Variants in FAM120C observed in about 807,000 individuals in gnomAD.
FAM120C encodes constitutive coactivator of PPAR-gamma-like protein 2.
In FAM120C, 14 loss-of-function variants were observed where a neutral mutation model predicts 71.2. That is an observed-to-expected ratio of 0.20 (90% CI 0.13 to 0.31). The LOEUF (loss-of-function observed/expected upper bound fraction) is 0.31. Ranked by LOEUF, FAM120C falls within the 10% of genes least tolerant of loss-of-function variation. FAM120C has a pLI of 1.00. For missense variants in FAM120C, 500 were observed against 879.0 expected (o/e 0.57, Z 5.45); for synonymous variants, 354 against 353.2 (o/e 1.00, Z -0.03).
At position 54,135,127 on chromosome X, in the gene FAM120C, G is replaced by A; in HGVS notation, c.1336-16C>T. On this transcript the variant is annotated splice_polypyrimidine_tract_variant and intron_variant, in intron 6 of 15. Transcript: ENST00000375180. Reference sequence around the variant, plus strand: ...GATGAGAAAACTAAACGATAAAACAGACAGAAAAGCTATTTAACATTTTAT... The same window carrying A: ...GATGAGAAAACTAAACGATAAAACAAACAGAAAAGCTATTTAACATTTTAT... The A allele has an allele frequency of 8.5e-7, 1 of 1,172,699 alleles. No homozygotes were observed. Among genetic ancestry groups the A allele is most frequent in the South Asian group, 2.0e-5 (1 of 50,165 alleles).
At chrX:54,134,688 T>C in intron 7 of FAM120C, 143 bp downstream of exon 7, 2 of 590,078 alleles carry the variant, frequency 3.4e-6, no homozygotes, top group Non-Finnish European at 5.1e-6. Context: ...TAGAAAACGT[T>C]TTCCTACTTT....
intron 1 of FAM120C, 119 bp from the exon 2 acceptor site, chrX:54,159,735 A>C (rs2067226825): frequency 1.4e-6 from 1 of 734,722 alleles, no homozygotes; most frequent in African/African-American, 2.2e-5. Context: ...ACGTGAGAGA[A>C]CAGAACATTC....
chrX:54,079,458 G>A (rs782277956), intron 15 of FAM120C, among the ~76,000 whole-genome samples: 7 of 109,559 alleles, frequency 6.4e-5, no homozygotes, highest in African/African-American at 2.3e-4. Flanking sequence ...GAGAGAGAGA[G>A]AGAGAGAAAG....
At chrX:54,117,395 A>G (rs1417738316) in intron 9 of FAM120C, among the ~76,000 whole-genome samples, 1 of 104,461 alleles carries the variant, frequency 9.6e-6, no homozygotes. Context: ...AAAATAAAAT[A>G]AAATAAAATA....
At chrX:54,139,658 AT>A (rs1298010473) in intron 4 of FAM120C, among the ~76,000 whole-genome samples, 1 of 109,860 alleles carries the variant, frequency 9.1e-6, no homozygotes, top group East Asian at 2.9e-4. Flanking sequence ...TTATTTTTAA[AT>A]TTTTTTATTT....
At chrX:54,130,268 C>T (rs1214482339) in intron 9 of FAM120C, among the ~76,000 whole-genome samples, 13 of 111,615 alleles carry the variant, frequency 1.2e-4, no homozygotes, top group Admixed American at 1.1e-3. Flanking sequence ...ATATTTTTCC[C>T]ATTCTGTAGG....
intron 4 of FAM120C, among the ~76,000 whole-genome samples, chrX:54,143,112 G>A (rs1237244474): frequency 7.2e-5 from 8 of 111,205 alleles, no homozygotes; most frequent in Admixed American, 5.8e-4. Flanking sequence ...AAAGACCAAA[G>A]GTAGATAAAA....
intron 1 of FAM120C, among the ~76,000 whole-genome samples, chrX:54,170,412 C>T (rs1557135787): frequency 1.8e-5 from 2 of 111,610 alleles, no homozygotes; most frequent in African/African-American, 6.5e-5. Flanking sequence ...GGATTACAGG[C>T]GTGAGCTACC....
At chrX:54,161,981 T>G (rs1557134489) in intron 1 of FAM120C, among the ~76,000 whole-genome samples, 1 of 112,326 alleles carries the variant, frequency 8.9e-6, no homozygotes, top group Admixed American at 9.4e-5. Flanking sequence ...CAAAACAGTT[T>G]CCAGTAGGTT....
intron 15 of FAM120C, among the ~76,000 whole-genome samples, chrX:54,078,168 C>T (rs1379219595): frequency 9.4e-6 from 1 of 106,182 alleles, no homozygotes; most frequent in Non-Finnish European, 1.9e-5. Flanking sequence ...TGGTCTCGAT[C>T]TCCTGACCTC....
chrX:54,110,679 G>T (rs1557125548), intron 10 of FAM120C, among the ~76,000 whole-genome samples: 1 of 110,654 alleles, frequency 9.0e-6, no homozygotes, highest in African/African-American at 3.3e-5. Context: ...ACTTTGGGAG[G>T]CCAAGATGGG....
intron 1 of FAM120C, among the ~76,000 whole-genome samples, chrX:54,178,436 G>A (rs2067329994): frequency 9.0e-6 from 1 of 111,604 alleles, no homozygotes; most frequent in Admixed American, 9.6e-5. Context: ...AAACAGGATG[G>A]TGGGATTGTG....
At position 54,073,171 on chromosome X, in the gene FAM120C, T is replaced by C. The variant is rs1557120251; in HGVS notation, c.3153A>G (p.Pro1051=). 5.0e-6 allele frequency: 6 copies of C among 1,211,555 alleles called. No individual in the cohort carries two copies. The highest frequency in any genetic ancestry group is 6.7e-6 in the Non-Finnish European group (6 of 895,496). ...IKEEKSDHRL[P]APSQCALSRD... ...TGGATAAGGCACATTGTGATGGAGC[T>C]GGAAGACGATGATCACTCTTCTCTT... Residue 1051 remains proline (P), a synonymous_variant, in exon 16 of 16, where the codon CCA becomes CCG. Coordinates refer to ENST00000375180, the MANE Select transcript of FAM120C (RefSeq NM_017848.6).
chrX:54,072,907 G>T lies in FAM120C; in HGVS notation c.*126C>A. The stretch of plus-strand genomic sequence containing the variant: ...GGAAGGGGAAAAGATGGACACAATA[G>T]GACATCCCACCAAAATCCTGGAGAA... On this transcript the variant is annotated 3_prime_UTR_variant, in exon 16 of 16. Transcript: ENST00000375180. The T allele has an allele frequency of 1.2e-6, 1 of 835,161 alleles. No homozygotes were observed. The highest frequency in any genetic ancestry group is 1.7e-6 in the Non-Finnish European group (1 of 598,386). 68.8% of individuals were successfully genotyped at this position (835,161 alleles called of 1,213,427 possible).
At chrX:54,165,954 G>A (rs966350332) in intron 1 of FAM120C, among the ~76,000 whole-genome samples, 1 of 109,555 alleles carries the variant, frequency 9.1e-6, no homozygotes, top group Admixed American at 9.9e-5. Context: ...ATAAATGACT[G>A]ATGAATAAGA....
intron 1 of FAM120C, among the ~76,000 whole-genome samples, chrX:54,170,262 A>G (rs1557135766): frequency 1.8e-5 from 2 of 110,239 alleles, no homozygotes; most frequent in Admixed American, 9.7e-5. Flanking sequence ...CAGCCTCCCA[A>G]AGTAGCTGGG....
At chrX:54,165,275 T>C (rs1306977719) in intron 1 of FAM120C, among the ~76,000 whole-genome samples, 1 of 111,905 alleles carries the variant, frequency 8.9e-6, no homozygotes, top group African/African-American at 3.2e-5. Flanking sequence ...AGAATCCACA[T>C]GCTGTATTTC....
intron 3 of FAM120C, among the ~76,000 whole-genome samples, chrX:54,152,418 C>T (rs368359515): frequency 3.6e-5 from 4 of 111,247 alleles, no homozygotes; most frequent in African/African-American, 9.8e-5. Flanking sequence ...CCACCATGCC[C>T]GGCTAATTTT....
At chrX:54,110,928 T>C (rs1026164661) in intron 10 of FAM120C, among the ~76,000 whole-genome samples, 11 of 109,225 alleles carry the variant, frequency 1.0e-4, no homozygotes, top group African/African-American at 3.7e-4. Context: ...GGCGTGGTGG[T>C]GGGCCCCTGT....
Sources: allele counts gnomAD v4.1 joint callset (sites outside exome capture counted in the v4.1 genomes callset), GRCh38; gene constraint gnomAD v4.1.1; transcripts MANE v1.5; gene names NCBI Gene and HGNC (gene_info 2026-07-23, HGNC 2026-07-21).